Variants in DACT2 observed in about 807,000 individuals in gnomAD.
DACT2 encodes the protein dapper homolog 2.
A neutral mutation model predicts 22.2 loss-of-function variants in DACT2; 20 were observed. The observed-to-expected ratio is 0.90, with a 90% CI of 0.63 to 1.31. The LOEUF (loss-of-function observed/expected upper bound fraction) is 1.31. Among genes scored for constraint, DACT2 ranks in the 50% most tolerant of loss-of-function variants. DACT2 has a pLI of 0.00. For synonymous variants in DACT2, 463 were observed against 479.8 expected (o/e 0.96, Z 0.46); for missense variants, 1,048 against 1,061.4 (o/e 0.99, Z 0.18).
At chr6:168,318,342 A>G (rs1005436995) in intron 1 of DACT2, among the ~76,000 whole-genome samples, 2 of 152,246 alleles carry the variant, frequency 1.3e-5, no homozygotes, top group African/African-American at 2.4e-5. Flanking sequence ...ATAACGGGGA[A>G]CCTGGGAGGC....
At chr6:168,311,594 A>ACACACACACC (rs1332323296) in intron 1 of DACT2, among the ~76,000 whole-genome samples, 1 of 65,618 alleles carries the variant, frequency 1.5e-5, no homozygotes, top group African/African-American at 5.3e-5. Flanking sequence ...CCACACACAC[A>ACACACACACC]CATACACACA....
At position 168,307,789 on chromosome 6, in the gene DACT2, G is replaced by A. The variant is rs1779254810; in HGVS notation, c.1968C>T (p.Tyr656=). ...GRPSLVRQDA[Y]TRSDSEPSKH... ...TGGAGGGCTCTGAGTCGCTCCTGGT[G>A]TAGGCGTCCTGGCGGACCAGTGAGG... Residue 656 remains tyrosine, a synonymous_variant, in exon 4 of 4, where the codon TAC becomes TAT. Coordinates refer to ENST00000366795, the MANE Select transcript of DACT2 (RefSeq NM_214462.5). The surrounding 1 kb of genome is among the most constrained non-coding windows in gnomAD (Gnocchi z 5.3). 8 of 1,544,144 alleles carry A rather than the reference G, an allele frequency of 5.2e-6. No homozygotes were observed. Among genetic ancestry groups the A allele is most frequent in the Non-Finnish European group, 7.0e-6 (8 of 1,146,452 alleles).
exon 5 of DACT2, chr6:168,294,160 A>G: frequency 1.4e-6 from 1 of 703,002 alleles, no homozygotes; most frequent in Non-Finnish European, 2.6e-6. Flanking sequence ...GCTGACAGCC[A>G]CAGAGGCCAC....
exon 6 of DACT2, chr6:168,293,333 T>C (rs1047434180): frequency 2.0e-5 from 3 of 152,694 alleles, no homozygotes; most frequent in African/African-American, 7.2e-5. Flanking sequence ...TCTCAAAAAA[T>C]ATTAAATTTT....
chr6:168,302,959 C>T (rs1358023955), downstream of DACT2, among the ~76,000 whole-genome samples: 1 of 152,198 alleles, frequency 6.6e-6, no homozygotes, highest in Non-Finnish European at 1.5e-5. Context: ...AAAAGACAGT[C>T]AACAAATTCT....
chr6:168,305,954 C>T, downstream of DACT2, among the ~76,000 whole-genome samples: 1 of 152,166 alleles, frequency 6.6e-6, no homozygotes, highest in Middle Eastern at 3.2e-3. Flanking sequence ...TGCTCTGACC[C>T]CTGGGAAATG....
At chr6:168,305,141 C>CGATT (rs944050509), downstream of DACT2, among the ~76,000 whole-genome samples, 3 of 152,104 alleles carry the variant, frequency 2.0e-5, no homozygotes, top group African/African-American at 2.4e-5. Flanking sequence ...GGAAGGAGAA[C>CGATT]GATTGATTGA....
At chr6:168,318,214 G>A (rs1223207181) in intron 1 of DACT2, among the ~76,000 whole-genome samples, 1 of 152,282 alleles carries the variant, frequency 6.6e-6, no homozygotes, top group East Asian at 1.9e-4. Context: ...TGGTCACTGG[G>A]TGAGTAAACA....
chr6:168,310,468 G>T (rs772642994), intron 2 of DACT2, 22 bp from the exon 3 acceptor site: 1 of 1,536,366 alleles, frequency 6.5e-7, no homozygotes, highest in South Asian at 1.2e-5. Context: ...AGACAAGGCA[G>T]GTCAGTGACC....
rs539267578 is a variant in DACT2, at chr6:168,311,495, G to GCCC, written c.247-214_247-212dup. 9.4e-3 allele frequency among the ~76,000 whole-genome samples: 1,285 copies of GCCC among 136,816 alleles called. 22 individuals are homozygous for GCCC. The highest frequency in any genetic ancestry group is 0.034 in the African/African-American group (1,201 of 35,806). The allele number at this position is 136,816 out of a possible 152,430, so 89.8% of individuals were successfully genotyped here. A position where few individuals can be genotyped will look rare whatever the true frequency, so the allele number is the denominator to read the frequency against. ...AAAGAAAGCTCTACTGACACCCATC[G>GCCC]CCCCCCACACACATACACACACACA... On this transcript the variant is annotated intron_variant, in intron 1 of 3. Transcript: ENST00000366795.
At chr6:168,311,597 T>TCACACACAAACACAGACACCCATACAC (rs1554271725) in intron 1 of DACT2, among the ~76,000 whole-genome samples, 1 of 100,464 alleles carries the variant, frequency 1.0e-5, no homozygotes, top group Non-Finnish European at 2.1e-5. Flanking sequence ...CACACACACA[T>TCACACACAAACACAGACACCCATACAC]ACACACACAC....
chr6:168,309,489 C>T (rs377416819), intron 3 of DACT2, among the ~76,000 whole-genome samples: 2 of 58,828 alleles, frequency 3.4e-5, no homozygotes, highest in African/African-American at 6.8e-5. Context: ...GCCTGCAGCG[C>T]GGCCCCCTCA....
intron 3 of DACT2, among the ~76,000 whole-genome samples, chr6:168,301,694 C>G (rs1779107957): frequency 6.6e-6 from 1 of 152,348 alleles, no homozygotes; most frequent in Admixed American, 6.5e-5. Context: ...CAGGGCACAG[C>G]TGGGGCTCTG....
intron 1 of DACT2, 121 bp downstream of exon 1, chr6:168,319,267 C>T: frequency 1.0e-6 from 1 of 959,822 alleles, no homozygotes; most frequent in Non-Finnish European, 1.3e-6. Context: ...ATTCAAATCC[C>T]AAAGGACGTC....
In DACT2 at chr6:168,296,162, C is replaced by T. The variant is rs564457284; in HGVS notation, c.659-1458G>A. Among the ~76,000 whole-genome samples the T allele has an allele frequency of 2.9e-5, 4 of 137,760 alleles. No homozygotes were observed. In the South Asian group the frequency reaches 7.3e-4, roughly 25 times the overall value. 90.4% of individuals were successfully genotyped at this position (137,760 alleles called of 152,430 possible). A position where few individuals can be genotyped will look rare whatever the true frequency, so the allele number is the denominator to read the frequency against. On this transcript the variant is annotated intron_variant, in intron 3 of 5. Transcript: ENST00000366796. ...ATGGAGGTCATGGAGGACAGACACC[C>T]GGAATCACGGAAAGAGCAGATCCAT...
intron 3 of DACT2, among the ~76,000 whole-genome samples, chr6:168,309,466 G>A (rs1054727769): frequency 3.3e-5 from 5 of 152,244 alleles, no homozygotes; most frequent in Admixed American, 6.5e-5. Flanking sequence ...ACAGGGTGCG[G>A]GGCCCTATTT....
At chr6:168,311,120 CCT>C (rs1779386877) in intron 2 of DACT2, 30 bp downstream of exon 2, 2 of 1,499,698 alleles carry the variant, frequency 1.3e-6, no homozygotes, top group Non-Finnish European at 1.8e-6. Context: ...CGTGCCTGCC[CCT>C]GTGTCCGGGA....
At chr6:168,306,834 C>T (rs1234442282), downstream of DACT2, 49 of 963,424 alleles carry the variant, frequency 5.1e-5, no homozygotes, top group Non-Finnish European at 4.2e-5. Flanking sequence ...GGCACGTGCC[C>T]TGTGATGGGC....
chr6:168,310,390 C>T lies in DACT2; in HGVS notation c.436G>A (p.Val146Ile), dbSNP rs78151274. 895 of 1,551,600 alleles carry T rather than the reference C, an allele frequency of 5.8e-4. 2 individuals are homozygous for T. The highest frequency in any genetic ancestry group is 3.5e-3 in the African/African-American group (257 of 73,180). Residue 146 changes from valine to isoleucine, a missense_variant, in exon 3 of 4, where the codon GTC (valine) becomes ATC (isoleucine). By Grantham distance (29) the Val-to-Ile change is conservative. Transcript: ENST00000366795. Reference sequence around the variant, plus strand: ...GAGGGAGAGATGTGGTCACTGCAGACGGAGGCACAGGACGTGGACAGGGAG... The same window carrying T: ...GAGGGAGAGATGTGGTCACTGCAGATGGAGGCACAGGACGTGGACAGGGAG... ...SCSLSTSCAS[V>I]CSDHISPSLG...
Sources: allele counts gnomAD v4.1 joint callset (sites outside exome capture counted in the v4.1 genomes callset), GRCh38; gene constraint gnomAD v4.1.1; non-coding constraint Gnocchi (gnomAD v3.1); transcripts MANE v1.5; gene names NCBI Gene and HGNC (gene_info 2026-07-23, HGNC 2026-07-21).